Variants in VAC14 observed in about 807,000 individuals in gnomAD.
VAC14 encodes protein VAC14 homolog.
Under a neutral mutation model 85.3 loss-of-function variants are expected in VAC14, and 47 were observed. The ratio of observed to expected loss-of-function variants is 0.55; its 90% confidence interval spans 0.44 to 0.70. VAC14 has a LOEUF of 0.70. Among genes scored for constraint, VAC14 ranks in the 30% least tolerant of loss-of-function variants. The pLI, the probability that VAC14 is intolerant of heterozygous loss-of-function variation, is 0.00. For missense variants in VAC14, 861 were observed against 1,004.3 expected (o/e 0.86, Z 1.93); for synonymous variants, 447 against 430.5 (o/e 1.04, Z -0.47).
At chr16:70,784,458 C>G (rs928858268) in intron 4 of VAC14, among the ~76,000 whole-genome samples, 12 of 152,044 alleles carry the variant, frequency 7.9e-5, no homozygotes, top group Admixed American at 6.5e-4. Flanking sequence ...ATGGCAAGAC[C>G]CTACTCTCTG....
At chr16:70,738,067 A>G (rs1348298400) in intron 13 of VAC14, among the ~76,000 whole-genome samples, 2 of 152,234 alleles carry the variant, frequency 1.3e-5, no homozygotes, top group African/African-American at 4.8e-5. Flanking sequence ...TGAACCAGGC[A>G]GGGCTAAAGA....
intron 13 of VAC14, among the ~76,000 whole-genome samples, chr16:70,738,151 G>A (rs941801939): frequency 6.6e-6 from 1 of 152,244 alleles, no homozygotes; most frequent in Non-Finnish European, 1.5e-5. Context: ...ATGGAACCAA[G>A]AGGACAGGGT....
rs1050091574 is a variant in VAC14 at position 70,769,355 on chromosome 16, T to C, written c.1160+2754A>G. 2.0e-5 allele frequency: 3 copies of C among 153,002 alleles called. No homozygotes were observed. The East Asian group carries it at 5.8e-4, about 30-fold the overall frequency. 9.5% of individuals were successfully genotyped at this position (153,002 alleles called of 1,614,324 possible). ...GCGGCGCAGCTGAAGAATCACAGGG[T>C]GGGTCTGGCTACCTGGCAACTCTGC... On this transcript the variant is annotated intron_variant, in intron 10 of 18. Coordinates refer to ENST00000261776, the MANE Select transcript of VAC14 (RefSeq NM_018052.5).
intron 14 of VAC14, among the ~76,000 whole-genome samples, chr16:70,702,348 T>C (rs2053845459): frequency 6.6e-6 from 1 of 151,602 alleles, no homozygotes. Context: ...TCCCTCTGAG[T>C]GAGGTGTCTC....
intron 15 of VAC14, 31 bp downstream of exon 15, chr16:70,698,606 G>A (rs368079305): frequency 2.4e-5 from 38 of 1,611,282 alleles, no homozygotes; most frequent in African/African-American, 8.0e-5. Flanking sequence ...TGCAGGAGAC[G>A]CCTGAGGATG....
At chr16:70,705,702 C>T (rs2053907707) in intron 14 of VAC14, among the ~76,000 whole-genome samples, 1 of 152,110 alleles carries the variant, frequency 6.6e-6, no homozygotes, top group Non-Finnish European at 1.5e-5. Context: ...TACTCCAGCC[C>T]TCACTGGCCC....
intron 14 of VAC14, among the ~76,000 whole-genome samples, chr16:70,708,231 TTCCTAAGG>T (rs959057491): frequency 1.3e-5 from 2 of 152,258 alleles, no homozygotes; most frequent in Admixed American, 1.3e-4. Context: ...ACCAATTTCC[TTCCTAAGG>T]TGGTACTTGG....
intron 14 of VAC14, among the ~76,000 whole-genome samples, chr16:70,708,957 A>G (rs1246045772): frequency 6.6e-6 from 1 of 152,152 alleles, no homozygotes. Flanking sequence ...ACTAAAGGAA[A>G]TCCTGTTGTC....
intron 18 of VAC14, chr16:70,691,172 GT>G (rs1159070255): frequency 2.0e-6 from 2 of 985,402 alleles, no homozygotes; most frequent in African/African-American, 3.5e-5. Flanking sequence ...TTCTACCCTG[GT>G]TTGAGGAGTC....
chr16:70,717,792 G>A (rs1010254418), intron 14 of VAC14, among the ~76,000 whole-genome samples: 5 of 152,114 alleles, frequency 3.3e-5, no homozygotes, highest in Admixed American at 6.5e-5. Context: ...GACCACAGGC[G>A]CATGCCACCA....
At chr16:70,692,683 T>C (rs1597845684) in intron 18 of VAC14, 138 bp downstream of exon 18, 1 of 1,182,280 alleles carries the variant, frequency 8.5e-7, no homozygotes, top group Non-Finnish European at 1.2e-6. Flanking sequence ...GGGGGGATGG[T>C]GGTCACAGTG....
At chr16:70,777,625 G>A (rs1005392750) in intron 9 of VAC14, among the ~76,000 whole-genome samples, 3 of 152,236 alleles carry the variant, frequency 2.0e-5, no homozygotes, top group African/African-American at 7.2e-5. Flanking sequence ...GGGAGTCGGA[G>A]CAAGTGAAGA....
chr16:70,771,900 C>T (rs902979687), intron 10 of VAC14: 32 of 562,010 alleles, frequency 5.7e-5, no homozygotes, highest in Non-Finnish European at 1.0e-4. Flanking sequence ...TTCTAATCCG[C>T]CCTATCTATC....
intron 14 of VAC14, among the ~76,000 whole-genome samples, chr16:70,727,392 T>C (rs1176674776): frequency 1.3e-5 from 2 of 152,188 alleles, no homozygotes; most frequent in Admixed American, 6.5e-5. Flanking sequence ...CAGGCTGGAG[T>C]GCAGTGGTGT....
chr16:70,727,324 CTTTA>C (rs1002698117), intron 14 of VAC14, among the ~76,000 whole-genome samples: 3 of 152,150 alleles, frequency 2.0e-5, no homozygotes, highest in Non-Finnish European at 1.5e-5. Context: ...CGATGCCTCT[CTTTA>C]TTTATTTATT....
chr16:70,739,712 TCAGCCAGTGCTGG>T, intron 13 of VAC14, among the ~76,000 whole-genome samples: 2 of 152,318 alleles, frequency 1.3e-5, no homozygotes, highest in Middle Eastern at 3.4e-3. Context: ...TAACGTGACC[TCAGCCAGTGCTGG>T]CAGCCATGAT....
chr16:70,766,597 C>G (rs576111026), intron 10 of VAC14: 1 of 454,008 alleles, frequency 2.2e-6, no homozygotes, highest in South Asian at 1.6e-5. Context: ...AAGCCCAGGT[C>G]CAGAGGCAGT....
rs569301071 is a variant in VAC14 at position 70,689,068 on chromosome 16, C to T, written c.2187-978G>A. On this transcript the variant is annotated intron_variant, in intron 18 of 18. Coordinates refer to ENST00000261776, the MANE Select transcript of VAC14 (RefSeq NM_018052.5). ...ATGAAAAGATGCCAATCGGCGGGGC[C>T]GGGAAGGGGGGTGCAGGCACTGGCA... is the stretch of plus-strand genomic sequence containing the variant. The T allele has an allele frequency of 1.3e-5, 13 of 985,184 alleles. No individual in the cohort carries two copies. In the Admixed American group the frequency reaches 1.8e-4, roughly 14 times the overall value. The allele number at this position is 985,184 out of a possible 1,614,324, so 61.0% of individuals were successfully genotyped here.
chr16:70,730,028 T>A (rs920054244), intron 14 of VAC14, among the ~76,000 whole-genome samples: 1 of 151,818 alleles, frequency 6.6e-6, no homozygotes, highest in Non-Finnish European at 1.5e-5. Flanking sequence ...GGGACTGGCA[T>A]CACCATCCAC....
Sources: gnomAD v4.1 joint callset for allele counts (sites outside exome capture counted in the v4.1 genomes callset) on GRCh38, gnomAD v4.1.1 for gene constraint, MANE v1.5 for transcripts, NCBI Gene and HGNC (gene_info 2026-07-23, HGNC 2026-07-21) for gene names.